Variants in MALSU1 observed in about 807,000 individuals in gnomAD.
MALSU1 encodes the protein mitochondrial assembly of ribosomal large subunit 1.
MALSU1 carries 22 observed loss-of-function variants against 22.1 expected under a neutral mutation model. The observed-to-expected ratio is 1.00, with a 90% CI of 0.71 to 1.42. MALSU1 has a LOEUF of 1.42. Among genes scored for constraint, MALSU1 ranks in the 40% most tolerant of loss-of-function variants. The probability of loss-of-function intolerance (pLI) is 0.00; values close to 1 mark genes in which losing one functional copy is unlikely to be tolerated. For synonymous variants in MALSU1, 153 were observed against 118.5 expected, an observed-to-expected ratio of 1.29 and a Z score of -1.89; for missense variants, 379 against 308.3, an observed-to-expected ratio of 1.23 and a Z score of -1.72.
chr7:23,304,813 T>G (rs1308727232), intron 2 of MALSU1, among the ~76,000 whole-genome samples: 3 of 152,236 alleles, frequency 2.0e-5, no homozygotes, highest in Non-Finnish European at 2.9e-5. Flanking sequence ...GTAGGAGCTC[T>G]CTATATATTC....
chr7:23,301,502 G>A (rs968895167), intron 2 of MALSU1, among the ~76,000 whole-genome samples: 13 of 152,190 alleles, frequency 8.5e-5, no homozygotes, highest in African/African-American at 3.1e-4. Flanking sequence ...CAGGGGATCC[G>A]CCTGCCTCAG....
chr7:23,311,526 T>G lies in MALSU1; in HGVS notation c.*1983T>G, dbSNP rs1429564537. ...CTATAAATGAAAGAATAAATGGTAG[T>G]GCTGCTCTCCAGATACTAGGCACTG... On this transcript the variant is annotated 3_prime_UTR_variant, in exon 4 of 4. Coordinates refer to ENST00000466681, the MANE Select transcript of MALSU1 (RefSeq NM_138446.2). 6.6e-6 allele frequency: 1 copy of G among 152,378 alleles called. No homozygotes were observed. The highest frequency in any genetic ancestry group is 1.5e-5 in the Non-Finnish European group (1 of 68,038). The allele number at this position is 152,378 out of a possible 1,614,324, so 9.4% of individuals were successfully genotyped here.
chr7:23,305,411 A>C (rs1410596025), intron 2 of MALSU1, among the ~76,000 whole-genome samples: 1 of 130,292 alleles, frequency 7.7e-6, no homozygotes, highest in Non-Finnish European at 1.6e-5. Context: ...TTTTTTTTTG[A>C]GATGGAGTTT....
intron 3 of MALSU1, among the ~76,000 whole-genome samples, chr7:23,309,076 AT>A (rs1783766048): frequency 6.6e-6 from 1 of 152,186 alleles, no homozygotes; most frequent in Non-Finnish European, 1.5e-5. Context: ...CCCATGGAGA[AT>A]TGTCACCGAA....
intron 2 of MALSU1, among the ~76,000 whole-genome samples, chr7:23,302,538 G>GAA (rs1783662399): frequency 1.3e-5 from 2 of 152,210 alleles, no homozygotes; most frequent in South Asian, 4.1e-4. Context: ...AAAGCATAAA[G>GAA]AAGAGATATA....
chr7:23,307,910 G>C lies in MALSU1; in HGVS notation c.478G>C (p.Glu160Gln). The C allele has an allele frequency of 4.3e-6, 7 of 1,614,010 alleles. No homozygotes were observed. Among genetic ancestry groups the C allele is most frequent in the Non-Finnish European group, 5.9e-6 (7 of 1,179,908 alleles). The change falls in exon 3 of 4, where the codon GAA becomes CAA. Residue 160 changes from glutamate (E) to glutamine (Q), a missense_variant. Transcript: ENST00000466681. Reference sequence around the variant, plus strand: ...TAAACGTGACCCTCATGTTAAGATAGAAGGGAAGGACACTGATGACTGGCT... The same window carrying C: ...TAAACGTGACCCTCATGTTAAGATACAAGGGAAGGACACTGATGACTGGCT... ...KCKRDPHVKI[E>Q]GKDTDDWLCV...
At position 23,309,819 on chromosome 7, in the gene MALSU1, G is replaced by T. The variant is rs906547645; in HGVS notation, c.*276G>T. On this transcript the variant is annotated 3_prime_UTR_variant, in exon 4 of 4. Transcript: ENST00000466681. ...GGAGTTAGCACTGGCTCCTGTGCTT[G>T]ACTTCTCTGCTCAGATTTTTATTAA... 4.4e-5 allele frequency: 10 copies of T among 229,270 alleles called. No homozygotes were observed. Among genetic ancestry groups the T allele is most frequent in the Non-Finnish European group, 5.9e-5 (7 of 118,492 alleles). The allele number at this position is 229,270 out of a possible 1,614,324, so 14.2% of individuals were successfully genotyped here.
chr7:23,307,121 G>A (rs139023299), intron 2 of MALSU1, among the ~76,000 whole-genome samples: 4 of 152,224 alleles, frequency 2.6e-5, no homozygotes, highest in Admixed American at 6.5e-5. Flanking sequence ...TTGCTATTTC[G>A]TCTAGGTTAC....
Position 23,309,409 on chromosome 7 carries a change from G to C in MALSU1, c.571G>C (p.Glu191Gln), listed in dbSNP as rs762660413. ...LPETREIYELEKLWTLRSYDD... is the reference protein window; with the variant it reads ...LPETREIYELQKLWTLRSYDD... ...AGAAACCAGAGAAATCTATGAATTA[G>C]AGAAATTATGGACCCTACGTTCTTA... The change falls in exon 4 of 4, where the codon GAG becomes CAG. Residue 191 changes from glutamate (E) to glutamine (Q), a missense_variant. Physicochemically the swap from Glu to Gln is conservative, Grantham distance 29. Transcript: ENST00000466681. 6 of 1,613,484 alleles carry C rather than the reference G, an allele frequency of 3.7e-6. No individual in the cohort carries two copies. Among genetic ancestry groups the C allele is most frequent in the Non-Finnish European group, 4.2e-6 (5 of 1,179,814 alleles).
chr7:23,307,755 ATGAG>A, intron 2 of MALSU1, 109 bp from the exon 3 acceptor site: 1 of 692,718 alleles, frequency 1.4e-6, no homozygotes, highest in Non-Finnish European at 2.5e-6. Context: ...GCAATGAGAA[ATGAG>A]TAAGAAAGAT....
chr7:23,307,388 A>G (rs575372379), intron 2 of MALSU1, among the ~76,000 whole-genome samples: 8 of 152,298 alleles, frequency 5.3e-5, no homozygotes, highest in African/African-American at 1.9e-4. Context: ...ATATTAGTAT[A>G]TCTGTTTTAA....
At chr7:23,300,645 G>A (rs973201105) in intron 1 of MALSU1, among the ~76,000 whole-genome samples, 194 bp from the exon 2 acceptor site, 1 of 152,132 alleles carries the variant, frequency 6.6e-6, no homozygotes, top group African/African-American at 2.4e-5. Flanking sequence ...TGAGCACCCT[G>A]ACCATAAAAG....
chr7:23,308,391 C>T (rs1243952428), intron 3 of MALSU1, among the ~76,000 whole-genome samples: 8 of 152,292 alleles, frequency 5.3e-5, no homozygotes, highest in African/African-American at 1.9e-4. Context: ...GATCTAACAA[C>T]TTTGGGTATT....
intron 2 of MALSU1, 88 bp downstream of exon 2, chr7:23,301,105 AC>A: frequency 8.1e-7 from 1 of 1,234,194 alleles, no homozygotes; most frequent in Non-Finnish European, 1.1e-6. Context: ...TAGAGGGTAA[AC>A]CCATCATACA....
rs78037146 is a variant in MALSU1, at chr7:23,307,742, A to G, written c.436-126A>G. On this transcript the variant is annotated intron_variant, in intron 2 of 3. Transcript: ENST00000466681. ...TAAGTTATTCATCACAGGGCAAAGT[A>G]TAGCAATGAGAAATGAGTAAGAAAG... 3.7e-4 allele frequency: 243 copies of G among 653,884 alleles called. 1 individual carries two copies. In the African/African-American group the frequency reaches 4.2e-3, roughly 11 times the overall value. The allele number at this position is 653,884 out of a possible 1,614,324, so 40.5% of individuals were successfully genotyped here. A position where few individuals can be genotyped will look rare whatever the true frequency, so the allele number is the denominator to read the frequency against.
At chr7:23,300,144 T>G (rs1179340491) in intron 1 of MALSU1, among the ~76,000 whole-genome samples, 1 of 152,114 alleles carries the variant, frequency 6.6e-6, no homozygotes, top group East Asian at 1.9e-4. Flanking sequence ...GCTTTAGAAC[T>G]TGGGCGAGCT....
intron 2 of MALSU1, among the ~76,000 whole-genome samples, chr7:23,302,322 T>C (rs892082145): frequency 1.3e-5 from 2 of 152,208 alleles, no homozygotes; most frequent in Non-Finnish European, 2.9e-5. Context: ...CTGGTACCAT[T>C]CCACGGGGCC....
At chr7:23,308,018 C>A in intron 3 of MALSU1, 69 bp downstream of exon 3, 1 of 1,151,470 alleles carries the variant, frequency 8.7e-7, no homozygotes, top group Non-Finnish European at 1.3e-6. Flanking sequence ...TTTTCAGTTG[C>A]AAAAGGATTG....
At chr7:23,303,941 A>G (rs1034435885) in intron 2 of MALSU1, among the ~76,000 whole-genome samples, 1 of 151,850 alleles carries the variant, frequency 6.6e-6, no homozygotes, top group Non-Finnish European at 1.5e-5. Flanking sequence ...CCCTGTCTCT[A>G]TTAAAAATAC....
Sources: allele counts gnomAD v4.1 joint callset (sites outside exome capture counted in the v4.1 genomes callset), GRCh38; gene constraint gnomAD v4.1.1; transcripts MANE v1.5; gene names NCBI Gene and HGNC (gene_info 2026-07-23, HGNC 2026-07-21).